BICRA: variants seen among roughly 807,000 people sequenced by gnomAD.
The protein encoded by BICRA is BRD4-interacting chromatin-remodeling complex-associated protein.
BICRA carries 31 observed loss-of-function variants against 96.9 expected under a neutral mutation model. That is an observed-to-expected ratio of 0.32 (90% CI 0.24 to 0.43). The LOEUF is 0.43. Ranked by LOEUF, BICRA falls within the 20% of genes least tolerant of loss-of-function variation. The pLI is 1.00. For missense variants in BICRA, 2,283 were observed against 2,190.3 expected (o/e 1.04, Z -0.84); for synonymous variants, 1,350 against 1,071.8 (o/e 1.26, Z -5.07).
chr19:47,612,700 A>T (rs1971927004), intron 1 of BICRA, among the ~76,000 whole-genome samples: 1 of 150,764 alleles, frequency 6.6e-6, no homozygotes, highest in Non-Finnish European at 1.5e-5. Context: ...AATACAGGTG[A>T]TCTTGCCATT....
Position 47,680,348 on chromosome 19 carries a change from C to A in BICRA, c.1178C>A (p.Ala393Asp). The A allele has an allele frequency of 1.3e-6, 2 of 1,532,582 alleles. No homozygotes were observed. The highest frequency in any genetic ancestry group is 1.7e-6 in the Non-Finnish European group (2 of 1,145,112). 94.9% of individuals were successfully genotyped at this position (1,532,582 alleles called of 1,614,324 possible). Residue 393 changes from alanine to aspartate, a missense_variant, in exon 6 of 15, where the codon GCC (alanine) becomes GAC (aspartate). By Grantham distance (126) the Ala-to-Asp change is moderately radical. Coordinates refer to ENST00000594866, the MANE Select transcript of BICRA (RefSeq NM_001394372.1). ...EPGALPQQPK[A>D]PQNLTFMAAG... Reference sequence around the variant, plus strand: ...GGGGCGCTCCCGCAGCAGCCCAAGGCCCCGCAGAACCTGACGTTCATGGCG... The same window carrying A: ...GGGGCGCTCCCGCAGCAGCCCAAGGACCCGCAGAACCTGACGTTCATGGCG...
At chr19:47,679,179 G>T in intron 5 of BICRA, 142 bp from the exon 6 acceptor site, 1 of 524,974 alleles carries the variant, frequency 1.9e-6, no homozygotes, top group Non-Finnish European at 3.2e-6. Flanking sequence ...GAGATTACAA[G>T]CGTGAACCAC....
At chr19:47,692,453 C>T (rs1973255643) in intron 7 of BICRA, among the ~76,000 whole-genome samples, 2 of 152,148 alleles carry the variant, frequency 1.3e-5, no homozygotes, top group Admixed American at 1.3e-4. Flanking sequence ...TGGTCTCGAA[C>T]TCCTGACCTC....
chr19:47,652,535 G>A (rs1422851500), intron 1 of BICRA, among the ~76,000 whole-genome samples: 1 of 152,120 alleles, frequency 6.6e-6, no homozygotes, highest in Non-Finnish European at 1.5e-5. Context: ...GTGGCATCTT[G>A]GAAAGCAGCC....
chr19:47,691,639 C>T (rs1158328046), intron 7 of BICRA, among the ~76,000 whole-genome samples: 1 of 152,216 alleles, frequency 6.6e-6, no homozygotes, highest in African/African-American at 2.4e-5. Context: ...TCTTGGCTCA[C>T]TGTAGCCTCT....
At chr19:47,649,671 G>A (rs746955231) in intron 1 of BICRA, among the ~76,000 whole-genome samples, 3 of 152,174 alleles carry the variant, frequency 2.0e-5, no homozygotes, top group African/African-American at 4.8e-5. Flanking sequence ...GTATGAGGTC[G>A]ATATGGCCAA....
At chr19:47,624,982 C>G (rs1972118605) in intron 1 of BICRA, among the ~76,000 whole-genome samples, 1 of 144,376 alleles carries the variant, frequency 6.9e-6, no homozygotes, top group Non-Finnish European at 1.5e-5. Context: ...ACATGAGCCA[C>G]TGCACCTGGC....
rs367826721 is a variant in BICRA at position 47,698,593 on chromosome 19, C to G, written c.3249-41C>G. Reference sequence around the variant, plus strand: ...TCCCCTGGCCCTCACCCGTCCCCCCCACCCTCCGCCGTGTGTGGTCTCTCC... The same window carrying G: ...TCCCCTGGCCCTCACCCGTCCCCCCGACCCTCCGCCGTGTGTGGTCTCTCC... On this transcript the variant is annotated intron_variant, in intron 11 of 14. Transcript: ENST00000594866. This position sits in a 1 kb window ranked among gnomAD's most constrained non-coding sequence, Gnocchi z 4.8. 1.5e-4 allele frequency: 138 copies of G among 896,598 alleles called. 3 individuals carry two copies. In the Middle Eastern group the frequency reaches 1.8e-3, roughly 12 times the overall value. The allele number at this position is 896,598 out of a possible 1,614,324, so 55.5% of individuals were successfully genotyped here.
At chr19:47,633,231 C>T (rs1972248370) in intron 1 of BICRA, among the ~76,000 whole-genome samples, 1 of 151,878 alleles carries the variant, frequency 6.6e-6, no homozygotes, top group Non-Finnish European at 1.5e-5. Flanking sequence ...AGGTGCCCGC[C>T]ACCACGCCCG....
At chr19:47,641,070 A>ATTTT (rs71180861) in intron 1 of BICRA, among the ~76,000 whole-genome samples, 1,679 of 104,436 alleles carry the variant, frequency 0.016, 40 homozygotes, top group Non-Finnish European at 0.024. Flanking sequence ...TGCCTGGCTA[A>ATTTT]TTTTTTTTTT....
At chr19:47,629,567 A>G (rs1430294519) in intron 1 of BICRA, among the ~76,000 whole-genome samples, 1 of 152,310 alleles carries the variant, frequency 6.6e-6, no homozygotes, top group East Asian at 1.9e-4. Context: ...TTGCCTATCC[A>G]TTTATCTGTC....
chr19:47,661,135 AC>A, intron 1 of BICRA, among the ~76,000 whole-genome samples: 1 of 146,744 alleles, frequency 6.8e-6, no homozygotes, highest in Non-Finnish European at 1.5e-5. Flanking sequence ...AATGGCGTGA[AC>A]CCGGGAGGCA....
In BICRA at chr19:47,698,526, T is replaced by A; in HGVS notation, c.3249-108T>A. 1 of 682,320 alleles carries A rather than the reference T, an allele frequency of 1.5e-6. No homozygotes were observed. 42.3% of individuals were successfully genotyped at this position (682,320 alleles called of 1,614,324 possible). ...ACTGCCCAAGTATTCCCCTTCCCGC[T>A]GTTGTGTTCAGTTGCGGCCTGGGGC... On this transcript the variant is annotated intron_variant, in intron 11 of 14. Coordinates refer to ENST00000594866, the MANE Select transcript of BICRA (RefSeq NM_001394372.1). The surrounding 1 kb of genome is among the most constrained non-coding windows in gnomAD (Gnocchi z 4.8).
At chr19:47,657,853 A>C (rs1423670528) in intron 1 of BICRA, among the ~76,000 whole-genome samples, 1 of 152,082 alleles carries the variant, frequency 6.6e-6, no homozygotes, top group Non-Finnish European at 1.5e-5. Flanking sequence ...GTCTAGGAGA[A>C]GGCCATTCCA....
Position 47,673,629 on chromosome 19 carries a change from T to C in BICRA, c.41+14T>C. ...AGACGTGATTTGGTGAGTAACGGGC[T>C]CCCCACCCCCTGCCCTCTGTCTCAA... On this transcript the variant is annotated intron_variant, in intron 3 of 14. Coordinates refer to ENST00000594866, the MANE Select transcript of BICRA (RefSeq NM_001394372.1). The C allele has an allele frequency of 6.2e-7, 1 of 1,603,872 alleles. No individual in the cohort carries two copies. Among genetic ancestry groups the C allele is most frequent in the East Asian group, 2.2e-5 (1 of 44,806 alleles).
chr19:47,688,049 G>GA (rs1378509198), intron 7 of BICRA, among the ~76,000 whole-genome samples: 1 of 151,918 alleles, frequency 6.6e-6, no homozygotes, highest in Non-Finnish European at 1.5e-5. Context: ...TGCCAGGCTG[G>GA]AAAGTGACAC....
At chr19:47,660,117 G>A (rs1326940579) in intron 1 of BICRA, among the ~76,000 whole-genome samples, 1 of 152,080 alleles carries the variant, frequency 6.6e-6, no homozygotes, top group Non-Finnish European at 1.5e-5. Flanking sequence ...GAGGCCCTAA[G>A]TCCAAAATGA....
chr19:47,649,718 A>G (rs980117336), intron 1 of BICRA, among the ~76,000 whole-genome samples: 9 of 152,288 alleles, frequency 5.9e-5, no homozygotes, highest in African/African-American at 2.2e-4. Flanking sequence ...ACTCATAATA[A>G]ATAGAGGTAG....
rs905171861 is a variant in BICRA at position 47,616,579 on chromosome 19, C to T, written c.-108+7411C>T. 2.7e-5 allele frequency among the ~76,000 whole-genome samples: 4 copies of T among 150,720 alleles called. No individual in the cohort carries two copies. The South Asian group carries it at 8.6e-4, about 32-fold the overall frequency. ...GCTTGAAACTGGGAGGCGGAGGTTG[C>T]AGTGAGCTGAGATCGCACGATTGCA... On this transcript the variant is annotated intron_variant, in intron 1 of 14. Coordinates refer to ENST00000594866, the MANE Select transcript of BICRA (RefSeq NM_001394372.1).
Sources: gnomAD v4.1 joint callset for allele counts (sites outside exome capture counted in the v4.1 genomes callset) on GRCh38, gnomAD v4.1.1 for gene constraint, Gnocchi (gnomAD v3.1) non-coding constraint, MANE v1.5 for transcripts, NCBI Gene and HGNC (gene_info 2026-07-23, HGNC 2026-07-21) for gene names.